Variants in RPS27L observed in about 807,000 individuals in gnomAD.
RPS27L encodes ribosomal protein S27 like.
In RPS27L, 10 loss-of-function variants were observed where a neutral mutation model predicts 12.8. That is an observed-to-expected ratio of 0.78 (90% CI 0.48 to 1.33). RPS27L has a LOEUF of 1.33. Among genes scored for constraint, RPS27L ranks in the 40% most tolerant of loss-of-function variants. RPS27L has a pLI of 0.00. For synonymous variants in RPS27L, 26 were observed against 32.3 expected (o/e 0.81, Z 0.66); for missense variants, 81 against 97.4 (o/e 0.83, Z 0.71).
At position 63,151,942 on chromosome 15, in the gene RPS27L, C is replaced by A. The variant is rs1222937130; in HGVS notation, c.*2090G>T. 1 of 152,180 alleles carries A rather than the reference C, an allele frequency of 6.6e-6. No homozygotes were observed. Among genetic ancestry groups the A allele is most frequent in the South Asian group, 2.1e-4 (1 of 4,816 alleles). 9.4% of individuals were successfully genotyped at this position (152,180 alleles called of 1,614,324 possible). A position where few individuals can be genotyped will look rare whatever the true frequency, so the allele number is the denominator to read the frequency against. On this transcript the variant is annotated 3_prime_UTR_variant, in exon 4 of 4. Coordinates refer to ENST00000330964, the MANE Select transcript of RPS27L (RefSeq NM_015920.4). ...CAATTTTGAGAAACTGTATGGAGCC[C>A]AAAAGGCACACACATTCCATTAGTA...
Position 63,157,386 on chromosome 15 carries a change from T to C in RPS27L, c.6+14A>G. ...AGCCCAAAACAAACCCGGAGCCCGA[T>C]GTAAACAACTCACAGGCATGTTGAT... On this transcript the variant is annotated intron_variant, in intron 1 of 3. Transcript: ENST00000330964. 2 of 1,613,974 alleles carry C rather than the reference T, an allele frequency of 1.2e-6. No individual in the cohort carries two copies. Among genetic ancestry groups the C allele is most frequent in the Non-Finnish European group, 1.7e-6 (2 of 1,179,910 alleles).
chr15:63,155,872 G>T, intron 2 of RPS27L, 141 bp from the exon 3 acceptor site: 1 of 441,538 alleles, frequency 2.3e-6, no homozygotes. Context: ...AACTTTTCTA[G>T]CAGCGACACA....
intron 3 of RPS27L, 142 bp downstream of exon 3, chr15:63,155,479 C>A (rs561029285): frequency 7.9e-5 from 42 of 533,600 alleles, no homozygotes; most frequent in Non-Finnish European, 1.3e-4. Context: ...TCCATTTGAA[C>A]AGGCCATTCT....
chr15:63,156,595 A>G (rs1197263509), intron 1 of RPS27L, 74 bp from the exon 2 acceptor site: 1 of 881,018 alleles, frequency 1.1e-6, no homozygotes, highest in Non-Finnish European at 1.9e-6. Context: ...CGTGAAATAT[A>G]CATGCAAAAA....
intron 3 of RPS27L, 109 bp downstream of exon 3, chr15:63,155,512 G>A (rs768698559): frequency 4.4e-6 from 3 of 685,130 alleles, no homozygotes; most frequent in Non-Finnish European, 7.5e-6. Flanking sequence ...CACAATGAAA[G>A]ATAAGTTATT....
Position 63,157,387 on chromosome 15 carries a change from G to C in RPS27L, c.6+13C>G, listed in dbSNP as rs1052151999. 3 of 1,613,888 alleles carry C rather than the reference G, an allele frequency of 1.9e-6. No homozygotes were observed. The highest frequency in any genetic ancestry group is 2.5e-6 in the Non-Finnish European group (3 of 1,179,926). On this transcript the variant is annotated intron_variant, in intron 1 of 3. Transcript: ENST00000330964. The stretch of plus-strand genomic sequence containing the variant: ...GCCCAAAACAAACCCGGAGCCCGAT[G>C]TAAACAACTCACAGGCATGTTGATC...
At position 63,155,718 on chromosome 15, in the gene RPS27L, G is replaced by A; in HGVS notation, c.129C>T (p.Ile43=). 1 of 1,488,910 alleles carries A rather than the reference G, an allele frequency of 6.7e-7. No homozygotes were observed. Among genetic ancestry groups the A allele is most frequent in the South Asian group, 1.3e-5 (1 of 74,966 alleles). The allele number at this position is 1,488,910 out of a possible 1,614,324, so 92.2% of individuals were successfully genotyped here. The stretch of plus-strand genomic sequence containing the variant: ...TCTGAGCATGGCTGAAAACCGTGGT[G>A]ATCTTGTAGCAACCTAAAAAAAAAA... The part of the protein sequence containing the change: ...MDVKCPGCYK[I]TTVFSHAQTV... The change falls in exon 3 of 4, where the codon ATC becomes ATT. Residue 43 remains isoleucine, a synonymous_variant. Coordinates refer to ENST00000330964, the MANE Select transcript of RPS27L (RefSeq NM_015920.4).
Position 63,152,490 on chromosome 15 carries a change from T to TATATA in RPS27L, c.*1541_*1542insTATAT, listed in dbSNP as rs1566997021. 1.1e-4 allele frequency: 14 copies of TATATA among 130,754 alleles called. No individual in the cohort carries two copies. Among genetic ancestry groups the TATATA allele is most frequent in the African/African-American group, 3.7e-4 (14 of 37,414 alleles). 8.1% of individuals were successfully genotyped at this position (130,754 alleles called of 1,614,324 possible). A position where few individuals can be genotyped will look rare whatever the true frequency, so the allele number is the denominator to read the frequency against. On this transcript the variant is annotated 3_prime_UTR_variant, in exon 4 of 4. Transcript: ENST00000330964. ...TACATATATATGTATATATATATAT[T>TATATA]TTTTTTTTCTTTTTTTTTTTGAGAC...
In RPS27L at chr15:63,153,956, A is replaced by T. The variant is rs1566997351; in HGVS notation, c.*76T>A. ...GTAATTACATTATCTTGGTAAATTA[A>T]TTAGAATTATGGAATTTATGATAAG... On this transcript the variant is annotated 3_prime_UTR_variant, in exon 4 of 4. Coordinates refer to ENST00000330964, the MANE Select transcript of RPS27L (RefSeq NM_015920.4). 1 of 1,207,122 alleles carries T rather than the reference A, an allele frequency of 8.3e-7. No individual in the cohort carries two copies. The highest frequency in any genetic ancestry group is 1.2e-6 in the Non-Finnish European group (1 of 817,246). 74.8% of individuals were successfully genotyped at this position (1,207,122 alleles called of 1,614,324 possible).
Position 63,150,470 on chromosome 15 carries a change from A to G in RPS27L, c.*3562T>C, listed in dbSNP as rs1459385007. 6.6e-6 allele frequency: 1 copy of G among 152,218 alleles called. No homozygotes were observed. Among genetic ancestry groups the G allele is most frequent in the South Asian group, 2.1e-4 (1 of 4,832 alleles). 9.4% of individuals were successfully genotyped at this position (152,218 alleles called of 1,614,324 possible). ...CAACCTTGTAAATATAGTAAAAACT[A>G]CTGACTTTTACATCACAGAAGTTTG... is the stretch of plus-strand genomic sequence containing the variant. On this transcript the variant is annotated 3_prime_UTR_variant, in exon 4 of 4. Transcript: ENST00000330964.
Position 63,152,364 on chromosome 15 carries a change from G to A in RPS27L, c.*1668C>T, listed in dbSNP as rs946191863. ...GTTGTTAGAACATAAGTTAATAAAT[G>A]TAACTGTTAGGTATTTCTTTTGGCC... On this transcript the variant is annotated 3_prime_UTR_variant, in exon 4 of 4. Coordinates refer to ENST00000330964, the MANE Select transcript of RPS27L (RefSeq NM_015920.4). 1 of 151,918 alleles carries A rather than the reference G, an allele frequency of 6.6e-6. No individual in the cohort carries two copies. The highest frequency in any genetic ancestry group is 1.5e-5 in the Non-Finnish European group (1 of 68,006). The allele number at this position is 151,918 out of a possible 1,614,324, so 9.4% of individuals were successfully genotyped here. A position where few individuals can be genotyped will look rare whatever the true frequency, so the allele number is the denominator to read the frequency against.
chr15:63,156,151 A>G (rs2037330791), intron 2 of RPS27L, among the ~76,000 whole-genome samples: 1 of 152,228 alleles, frequency 6.6e-6, no homozygotes, highest in African/African-American at 2.4e-5. Flanking sequence ...TTGTATCATG[A>G]AACAGAAAAC....
intron 1 of RPS27L, chr15:63,156,937 C>A (rs2037336257): frequency 1.3e-5 from 5 of 373,418 alleles, no homozygotes; most frequent in Non-Finnish European, 2.4e-5. Context: ...TGTGGCTCAA[C>A]AGCTGATCTG....
chr15:63,148,984 G>C lies in RPS27L; in HGVS notation c.*5048C>G, dbSNP rs964963642. ...AGCAATTCTCCTGCCTCAGCCTCCC[G>C]AGTAGCTGGGACTACAGGCGCCCGA... is the stretch of plus-strand genomic sequence containing the variant. On this transcript the variant is annotated 3_prime_UTR_variant, in exon 4 of 4. Coordinates refer to ENST00000330964, the MANE Select transcript of RPS27L (RefSeq NM_015920.4). The C allele has an allele frequency of 4.0e-5, 6 of 150,230 alleles. No individual in the cohort carries two copies. The highest frequency in any genetic ancestry group is 2.0e-4 in the East Asian group (1 of 4,952). The allele number at this position is 150,230 out of a possible 1,614,324, so 9.3% of individuals were successfully genotyped here.
rs1392271884 is a variant in RPS27L, at chr15:63,153,720, C to G, written c.*312G>C. On this transcript the variant is annotated 3_prime_UTR_variant, in exon 4 of 4. Coordinates refer to ENST00000330964, the MANE Select transcript of RPS27L (RefSeq NM_015920.4). ...AGCTTGAGTGACAGAGCAGGACTCTCTCTCTCAAAAAAAAAAAAAAAGACA... is the reference window on the plus strand; with the variant it reads ...AGCTTGAGTGACAGAGCAGGACTCTGTCTCTCAAAAAAAAAAAAAAAGACA... 1 of 229,886 alleles carries G rather than the reference C, an allele frequency of 4.3e-6. No individual in the cohort carries two copies. The highest frequency in any genetic ancestry group is 7.8e-6 in the Non-Finnish European group (1 of 128,306). The allele number at this position is 229,886 out of a possible 1,614,324, so 14.2% of individuals were successfully genotyped here. A position where few individuals can be genotyped will look rare whatever the true frequency, so the allele number is the denominator to read the frequency against.
intron 2 of RPS27L, among the ~76,000 whole-genome samples, chr15:63,155,951 C>T (rs2037329510): frequency 6.6e-6 from 1 of 152,120 alleles, no homozygotes; most frequent in Non-Finnish European, 1.5e-5. Context: ...AATATCATTT[C>T]AACATGTAAT....
Position 63,155,716 on chromosome 15 carries a change from G to A in RPS27L, c.131C>T (p.Thr44Ile). 1 of 1,503,702 alleles carries A rather than the reference G, an allele frequency of 6.7e-7. No individual in the cohort carries two copies. The highest frequency in any genetic ancestry group is 8.9e-7 in the Non-Finnish European group (1 of 1,125,424). 93.1% of individuals were successfully genotyped at this position (1,503,702 alleles called of 1,614,324 possible). ...TGTCTGAGCATGGCTGAAAACCGTG[G>A]TGATCTTGTAGCAACCTAAAAAAAA... ...DVKCPGCYKI[T>I]TVFSHAQTVV... The change falls in exon 3 of 4, where the codon ACC becomes ATC. Residue 44 changes from threonine to isoleucine, a missense_variant. Thr to Ile is a moderately conservative substitution (Grantham distance 89). Transcript: ENST00000330964.
At position 63,154,026 on chromosome 15, in the gene RPS27L, G is replaced by C. The variant is rs1595722195; in HGVS notation, c.*6C>G. 6.2e-7 allele frequency: 1 copy of C among 1,603,390 alleles called. No homozygotes were observed. On this transcript the variant is annotated 3_prime_UTR_variant, in exon 4 of 4. Coordinates refer to ENST00000330964, the MANE Select transcript of RPS27L (RefSeq NM_015920.4). Reference sequence around the variant, plus strand: ...AAAATTAAAATTCAGGAAGCTGTTTGAATCATTAGTGTTGCTTTCTTCTAA... The same window carrying C: ...AAAATTAAAATTCAGGAAGCTGTTTCAATCATTAGTGTTGCTTTCTTCTAA...
At position 63,156,646 on chromosome 15, in the gene RPS27L, T is replaced by C. The variant is rs1221833691; in HGVS notation, c.7-125A>G. ...TCCTCGGCAGAAGCAACACGTCAGA[T>C]AGTAAAGTTATTTTTCGAAACCTGT... On this transcript the variant is annotated intron_variant, in intron 1 of 3. Transcript: ENST00000330964. The C allele has an allele frequency of 2.2e-5, 15 of 688,782 alleles. No homozygotes were observed. In the South Asian group the frequency reaches 2.4e-4, roughly 11 times the overall value. 42.7% of individuals were successfully genotyped at this position (688,782 alleles called of 1,614,324 possible). A position where few individuals can be genotyped will look rare whatever the true frequency, so the allele number is the denominator to read the frequency against.
Sources: gnomAD v4.1 joint callset for allele counts (sites outside exome capture counted in the v4.1 genomes callset) on GRCh38, gnomAD v4.1.1 for gene constraint, MANE v1.5 for transcripts, NCBI Gene and HGNC (gene_info 2026-07-23, HGNC 2026-07-21) for gene names.